Variants in SMIM31 observed in about 807,000 individuals in gnomAD.
SMIM31 encodes the protein small integral membrane protein 31.
At chr4:164,780,376 G>A (rs571047527) in intron 2 of SMIM31, among the ~76,000 whole-genome samples, 8 of 152,312 alleles carry the variant, frequency 5.3e-5, no homozygotes, top group Middle Eastern at 3.4e-3. Context: ...GCAGTGAGCC[G>A]AGATTGCGCC....
chr4:164,755,315 A>G (rs1473206241), intron 1 of SMIM31, among the ~76,000 whole-genome samples: 1 of 150,972 alleles, frequency 6.6e-6, no homozygotes, highest in Non-Finnish European at 1.5e-5. Context: ...CCCTGTCTCT[A>G]CTAAAAATGC....
chr4:164,766,658 C>T (rs1024327102), intron 1 of SMIM31, among the ~76,000 whole-genome samples: 12 of 151,888 alleles, frequency 7.9e-5, no homozygotes, highest in Admixed American at 2.6e-4. Flanking sequence ...ATTAGCCAGG[C>T]GTGGTGGCAC....
chr4:164,772,592 T>TTATTTTA (rs1456623021), intron 2 of SMIM31, among the ~76,000 whole-genome samples: 1 of 150,966 alleles, frequency 6.6e-6, no homozygotes, highest in Non-Finnish European at 1.5e-5. Flanking sequence ...TTTATTTTTT[T>TTATTTTA]TTTTGAGACG....
chr4:164,757,169 C>T (rs982386651), intron 1 of SMIM31, among the ~76,000 whole-genome samples: 3 of 152,070 alleles, frequency 2.0e-5, no homozygotes, highest in Non-Finnish European at 4.4e-5. Context: ...TGATGAATGT[C>T]GTTAAGCATT....
intron 2 of SMIM31, among the ~76,000 whole-genome samples, chr4:164,792,725 A>G (rs1267561310): frequency 1.3e-5 from 2 of 152,196 alleles, no homozygotes; most frequent in Non-Finnish European, 2.9e-5. Context: ...GATTCACCAA[A>G]GTTGCTACCA....
At chr4:164,778,436 T>C (rs1732905613) in intron 2 of SMIM31, among the ~76,000 whole-genome samples, 1 of 152,170 alleles carries the variant, frequency 6.6e-6, no homozygotes, top group Admixed American at 6.5e-5. Context: ...AATGATTTGA[T>C]AGTACCAGCA....
At chr4:164,771,017 G>A (rs1483740384) in intron 2 of SMIM31, among the ~76,000 whole-genome samples, 1 of 152,124 alleles carries the variant, frequency 6.6e-6, no homozygotes, top group Non-Finnish European at 1.5e-5. Flanking sequence ...GTGTATATGT[G>A]TGTGTAAATA....
intron 1 of SMIM31, among the ~76,000 whole-genome samples, chr4:164,764,382 C>T (rs1732692104): frequency 6.6e-6 from 1 of 151,970 alleles, no homozygotes; most frequent in South Asian, 2.1e-4. Flanking sequence ...TCCTGGCCAA[C>T]ATGGTGAAAT....
At chr4:164,761,246 T>C (rs572322237) in intron 1 of SMIM31, among the ~76,000 whole-genome samples, 60 of 152,336 alleles carry the variant, frequency 3.9e-4, no homozygotes, top group Non-Finnish European at 7.9e-4. Flanking sequence ...ATAGTCTTTC[T>C]ACTATGAAGA....
chr4:164,787,601 G>A (rs6848528), intron 2 of SMIM31, among the ~76,000 whole-genome samples: 91,860 of 149,440 alleles, frequency 0.61, 29,255 homozygotes, highest in African/African-American at 0.79. Flanking sequence ...GCTGTTCTCC[G>A]TCTTCTCTCT....
intron 2 of SMIM31, among the ~76,000 whole-genome samples, chr4:164,780,319 C>A (rs977860463): frequency 6.6e-6 from 1 of 152,004 alleles, no homozygotes; most frequent in African/African-American, 2.4e-5. Flanking sequence ...CCCAGCTACT[C>A]GGGAGGCTGA....
chr4:164,765,661 G>C (rs1039652628), intron 1 of SMIM31, among the ~76,000 whole-genome samples: 2 of 149,624 alleles, frequency 1.3e-5, no homozygotes, highest in African/African-American at 4.9e-5. Context: ...AATCCAGGAA[G>C]CAACAGAAGT....
chr4:164,772,736 GC>G (rs1732826574), intron 2 of SMIM31, among the ~76,000 whole-genome samples: 2 of 151,492 alleles, frequency 1.3e-5, no homozygotes, highest in South Asian at 4.2e-4. Flanking sequence ...CCGCCACCAC[GC>G]CCGGCTAATT....
chr4:164,803,564 G>A lies in SMIM31; in HGVS notation c.*2370G>A, dbSNP rs368942380. Reference sequence around the variant, plus strand: ...AATCCCAGCACTTTGTGAAGCCGAGGTGGGTGGATCACCTGAGGTCAAGAG... The same window carrying A: ...AATCCCAGCACTTTGTGAAGCCGAGATGGGTGGATCACCTGAGGTCAAGAG... On this transcript the variant is annotated 3_prime_UTR_variant, in exon 3 of 3. Coordinates refer to ENST00000507311, the MANE Select transcript of SMIM31 (RefSeq NM_001352885.1). 4.6e-5 allele frequency: 7 copies of A among 152,168 alleles called. No homozygotes were observed. Among genetic ancestry groups the A allele is most frequent in the African/African-American group, 1.4e-4 (6 of 41,434 alleles). 9.4% of individuals were successfully genotyped at this position (152,168 alleles called of 1,614,324 possible). A position where few individuals can be genotyped will look rare whatever the true frequency, so the allele number is the denominator to read the frequency against.
At chr4:164,797,412 A>ATC (rs1491121298) in intron 2 of SMIM31, among the ~76,000 whole-genome samples, 170 of 151,574 alleles carry the variant, frequency 1.1e-3, no homozygotes, top group African/African-American at 4.0e-3. Context: ...ACAAAAGGAC[A>ATC]TGTATATATA....
In SMIM31 at chr4:164,801,154, G is replaced by A. The variant is rs1579076886; in HGVS notation, c.176G>A (p.Cys59Tyr). The A allele has an allele frequency of 2.5e-6, 1 of 398,814 alleles. No homozygotes were observed. Among genetic ancestry groups the A allele is most frequent in the Admixed American group, 4.4e-5 (1 of 22,696 alleles). 24.7% of individuals were successfully genotyped at this position (398,814 alleles called of 1,614,324 possible). ...KRKKSEKKKN[C>Y]SEEEHRIEAV... ...AAAAAGTCTGAAAAGAAGAAAAATT[G>A]CTCAGAGGAAGAGCACAGAATTGAA... is the stretch of plus-strand genomic sequence containing the variant. Residue 59 changes from cysteine to tyrosine, a missense_variant, in exon 3 of 3, where the codon TGC becomes TAC. Transcript: ENST00000507311.
At chr4:164,756,950 C>T (rs556569202) in intron 1 of SMIM31, among the ~76,000 whole-genome samples, 3 of 152,094 alleles carry the variant, frequency 2.0e-5, no homozygotes, top group Non-Finnish European at 4.4e-5. Flanking sequence ...AGAAGTGGAA[C>T]TTCTAGGTCA....
chr4:164,778,972 G>A (rs1210450651), intron 2 of SMIM31, among the ~76,000 whole-genome samples: 1 of 150,314 alleles, frequency 6.7e-6, no homozygotes, highest in African/African-American at 2.5e-5. Context: ...AAATAATATT[G>A]AGAATGGAAT....
At chr4:164,795,024 T>C (rs10008747) in intron 2 of SMIM31, among the ~76,000 whole-genome samples, 110,512 of 151,914 alleles carry the variant, frequency 0.73, 40,725 homozygotes, top group Non-Finnish European at 0.8. Context: ...TACTTTGCAA[T>C]GAGAAAATAA....
Sources: gnomAD v4.1 joint callset for allele counts (sites outside exome capture counted in the v4.1 genomes callset) on GRCh38, gnomAD v4.1.1 for gene constraint, MANE v1.5 for transcripts, NCBI Gene and HGNC (gene_info 2026-07-23, HGNC 2026-07-21) for gene names.